The following TULP2 variants were observed in gnomAD, a reference collection of about 807,000 sequenced individuals.
The protein encoded by TULP2 is TUB like protein 2, also known as tubby-related protein 2.
Under a neutral mutation model 60.3 loss-of-function variants are expected in TULP2, and 64 were observed. The ratio of observed to expected loss-of-function variants is 1.06; its 90% CI spans 0.87 to 1.31. The LOEUF is 1.31. Among genes scored for constraint, TULP2 ranks in the 50% most tolerant of loss-of-function variants. TULP2 has a pLI of 0.00. For missense variants in TULP2, 652 were observed against 667.0 expected (o/e 0.98, Z 0.25); for synonymous variants, 267 against 265.4 (o/e 1.01, Z -0.06).
intron 8 of TULP2, among the ~76,000 whole-genome samples, chr19:48,887,311 C>CTTTTTTTTTT (rs58640342): frequency 0.014 from 567 of 39,374 alleles, 142 homozygotes; most frequent in Non-Finnish European, 0.024. Flanking sequence ...GCGCCCAGCC[C>CTTTTTTTTTT]TTTTTTTTTT....
At position 48,881,678 on chromosome 19, in the gene TULP2, G is replaced by A. The variant is rs189763957; in HGVS notation, c.1447+354C>T. On this transcript the variant is annotated intron_variant, in intron 12 of 12. Transcript: ENST00000221399. ...ATTACAGGTGTGAGCCACAGTGCCC[G>A]GCCTAATTTTTGTATTTTTAGTAGA... 7.2e-3 allele frequency among the ~76,000 whole-genome samples: 1,098 copies of A among 151,964 alleles called. 56 individuals are homozygous for A. The highest frequency in any genetic ancestry group is 0.068 in the Admixed American group (1,035 of 15,242).
At chr19:48,896,952 C>G (rs928292517) in intron 3 of TULP2, among the ~76,000 whole-genome samples, 5 of 151,766 alleles carry the variant, frequency 3.3e-5, no homozygotes, top group Admixed American at 3.3e-4. Context: ...TGCAGTACCA[C>G]GATCTCCGCT....
chr19:48,885,879 C>A lies in TULP2; in HGVS notation c.949-319G>T, dbSNP rs143152551. ...CAGCCTGGGCAATAGACTGAGACTC[C>A]ATCTCAAAACAAAAATAAAAAATAA... On this transcript the variant is annotated intron_variant, in intron 8 of 12. Transcript: ENST00000221399. Among the ~76,000 whole-genome samples the A allele has an allele frequency of 7.4e-3, 1,126 of 151,786 alleles. 9 individuals are homozygous for A. The highest frequency in any genetic ancestry group is 0.011 in the Non-Finnish European group (778 of 67,942).
chr19:48,886,571 A>G (rs2037181140), intron 8 of TULP2, among the ~76,000 whole-genome samples: 1 of 151,780 alleles, frequency 6.6e-6, no homozygotes, highest in Non-Finnish European at 1.5e-5. Flanking sequence ...TTCTAGGGGG[A>G]GAGAGGATAC....
chr19:48,884,467 A>C (rs1394202344), intron 9 of TULP2, among the ~76,000 whole-genome samples: 1 of 150,664 alleles, frequency 6.6e-6, no homozygotes, highest in Admixed American at 6.6e-5. Flanking sequence ...AAATAAATAA[A>C]AATAAATAAT....
At chr19:48,888,873 C>T (rs558810535) in intron 7 of TULP2, among the ~76,000 whole-genome samples, 5 of 152,246 alleles carry the variant, frequency 3.3e-5, no homozygotes, top group Admixed American at 2.6e-4. Flanking sequence ...CTGCCTGCCT[C>T]GGCCTTCCAA....
chr19:48,898,116 C>T (rs913143114), intron 1 of TULP2, among the ~76,000 whole-genome samples: 1 of 151,850 alleles, frequency 6.6e-6, no homozygotes, highest in Admixed American at 6.6e-5. Context: ...GGACTACAGG[C>T]GTCCGCTATT....
chr19:48,896,854 C>G (rs1481805605), intron 3 of TULP2: 2 of 348,440 alleles, frequency 5.7e-6, no homozygotes, highest in Non-Finnish European at 1.0e-5. Flanking sequence ...TCTTTAGAAC[C>G]CCCAATTCCT....
chr19:48,888,312 T>G, intron 7 of TULP2, 51 bp from the exon 8 acceptor site: 1 of 1,523,530 alleles, frequency 6.6e-7, no homozygotes, highest in Non-Finnish European at 8.8e-7. Flanking sequence ...GGCCCAGCCT[T>G]GCTTACTACT....
chr19:48,896,451 C>T lies in TULP2; in HGVS notation c.190G>A (p.Glu64Lys). The change falls in exon 4 of 13, where the codon GAG becomes AAG. Residue 64 changes from glutamate (E) to lysine (K), a missense_variant. Physicochemically the swap from Glu to Lys is moderately conservative, Grantham distance 56. Coordinates refer to ENST00000221399, the MANE Select transcript of TULP2 (RefSeq NM_003323.3). ...PWLWRSCLRE[E>K]RLLGDRGLGN... Reference sequence around the variant, plus strand: ...TCACCTCTGTCACCTAAAAGGCGCTCCTCCCGCAGACAAGAGCGCCAAAGC... The same window carrying T: ...TCACCTCTGTCACCTAAAAGGCGCTTCTCCCGCAGACAAGAGCGCCAAAGC... 1 of 1,610,202 alleles carries T rather than the reference C, an allele frequency of 6.2e-7. No homozygotes were observed. The highest frequency in any genetic ancestry group is 8.5e-7 in the Non-Finnish European group (1 of 1,178,710).
chr19:48,896,395 C>A lies in TULP2; in HGVS notation c.211+35G>T, dbSNP rs771996076. On this transcript the variant is annotated intron_variant, in intron 4 of 12. Coordinates refer to ENST00000221399, the MANE Select transcript of TULP2 (RefSeq NM_003323.3). Reference sequence around the variant, plus strand: ...CCCACAGACTCCCACAGGCCCCTCCCCTCCAGGCGAACGCCCCCAGGGGTC... The same window carrying A: ...CCCACAGACTCCCACAGGCCCCTCCACTCCAGGCGAACGCCCCCAGGGGTC... 3.2e-6 allele frequency: 5 copies of A among 1,569,686 alleles called. No homozygotes were observed. The East Asian group carries it at 1.1e-4, about 36-fold the overall frequency.
chr19:48,887,660 C>A (rs1215956929), intron 8 of TULP2, among the ~76,000 whole-genome samples: 1 of 151,744 alleles, frequency 6.6e-6, no homozygotes, highest in African/African-American at 2.4e-5. Context: ...CAGGTTCAAG[C>A]GATTCTCCTG....
chr19:48,888,979 T>C (rs1166751927), intron 7 of TULP2, among the ~76,000 whole-genome samples: 2 of 150,506 alleles, frequency 1.3e-5, no homozygotes, highest in East Asian at 2.0e-4. Flanking sequence ...TGTCTTTCCA[T>C]GGCTGCACCT....
At chr19:48,887,791 C>CA (rs2037195331) in intron 8 of TULP2, among the ~76,000 whole-genome samples, 159 bp downstream of exon 8, 1 of 152,164 alleles carries the variant, frequency 6.6e-6, no homozygotes, top group Admixed American at 6.5e-5. Flanking sequence ...CTCCGGACCT[C>CA]AGGTGATCCA....
chr19:48,881,645 G>A (rs2037133639), intron 12 of TULP2, among the ~76,000 whole-genome samples: 1 of 151,998 alleles, frequency 6.6e-6, no homozygotes, highest in Admixed American at 6.6e-5. Flanking sequence ...GCCTCCCAAA[G>A]TGCTGGGATT....
chr19:48,892,074 C>A (rs1478859322), intron 6 of TULP2, among the ~76,000 whole-genome samples: 1 of 152,232 alleles, frequency 6.6e-6, no homozygotes, highest in Admixed American at 6.5e-5. Flanking sequence ...CTGAGTCATT[C>A]CATTTCCAGA....
At position 48,889,627 on chromosome 19, in the gene TULP2, G is replaced by T. The variant is rs551943695; in HGVS notation, c.519C>A (p.Thr173=). The T allele has an allele frequency of 1.0e-5, 16 of 1,576,438 alleles. No homozygotes were observed. Among genetic ancestry groups the T allele is most frequent in the Middle Eastern group, 3.4e-4 (2 of 5,876 alleles). The change falls in exon 7 of 13, where the codon ACC becomes ACA. Residue 173 remains threonine, a synonymous_variant. Transcript: ENST00000221399. ...KGWQAHQRPG[T]RAEGESDSQD... ...GGGAGTCACTCTCACCCTCTGCACG[G>T]GTCCCTAATGTGGGGAAAAGCAAGA...
Position 48,893,240 on chromosome 19 carries a change from C to G in TULP2, c.514+1758G>C, listed in dbSNP as rs188854653. Among the ~76,000 whole-genome samples, 407 of 152,010 alleles carry G rather than the reference C, an allele frequency of 2.7e-3. 2 individuals carry two copies. The highest frequency in any genetic ancestry group is 9.1e-3 in the African/African-American group (377 of 41,480). ...AAAAAATTAGCCGAGCATGGTGGCACGCGCCTGTAACCCCAGCTACTCGGG... is the reference window on the plus strand; with the variant it reads ...AAAAAATTAGCCGAGCATGGTGGCAGGCGCCTGTAACCCCAGCTACTCGGG... On this transcript the variant is annotated intron_variant, in intron 6 of 12. Transcript: ENST00000221399.
chr19:48,888,546 T>C (rs2037204654), intron 7 of TULP2, among the ~76,000 whole-genome samples: 1 of 151,884 alleles, frequency 6.6e-6, no homozygotes, highest in African/African-American at 2.4e-5. Flanking sequence ...CTAGATAACA[T>C]AATACAGCCC....
Sources: allele counts gnomAD v4.1 joint callset (sites outside exome capture counted in the v4.1 genomes callset), GRCh38; gene constraint gnomAD v4.1.1; transcripts MANE v1.5; gene names NCBI Gene and HGNC (gene_info 2026-07-23, HGNC 2026-07-21).